Variants in ANKS1B observed in about 807,000 individuals in gnomAD.
ANKS1B encodes ankyrin repeat and sterile alpha motif domain-containing protein 1B.
In ANKS1B, 36 loss-of-function variants were observed where a neutral mutation model predicts 148.3. The observed-to-expected ratio is 0.24, with a 90% confidence interval of 0.19 to 0.32. The LOEUF (loss-of-function observed/expected upper bound fraction) is 0.32, where lower values mean the gene tolerates loss of function less well. Ranked by LOEUF, ANKS1B falls within the 10% of genes least tolerant of loss-of-function variation. The pLI is 1.00. For missense variants in ANKS1B, 1,157 were observed against 1,542.6 expected, an observed-to-expected ratio of 0.75 and a Z score of 4.19; for synonymous variants, 542 against 560.8, an observed-to-expected ratio of 0.97 and a Z score of 0.47.
intron 9 of ANKS1B, among the ~76,000 whole-genome samples, chr12:99,534,700 TTTTTC>T (rs1464948798): frequency 3.3e-5 from 5 of 150,058 alleles, no homozygotes; most frequent in African/African-American, 9.8e-5. Flanking sequence ...TTTTTTTTCT[TTTTTC>T]TTTTCTTTTT....
intron 1 of ANKS1B, among the ~76,000 whole-genome samples, chr12:99,832,198 C>A (rs1430076253): frequency 6.6e-6 from 1 of 152,108 alleles, no homozygotes; most frequent in African/African-American, 2.4e-5. Context: ...CTCTTAGACC[C>A]AACAACTCCA....
At chr12:99,466,901 T>A (rs1172666271) in intron 10 of ANKS1B, among the ~76,000 whole-genome samples, 3 of 152,014 alleles carry the variant, frequency 2.0e-5, no homozygotes, top group African/African-American at 7.3e-5. Flanking sequence ...ACTATTCCAA[T>A]CAATAGAAAA....
chr12:98,894,483 C>T (rs1164245127), intron 17 of ANKS1B: 2 of 805,068 alleles, frequency 2.5e-6, no homozygotes, highest in African/African-American at 3.7e-5. Flanking sequence ...GGCTGCAACA[C>T]CTGCCCCGGC....
chr12:99,625,485 G>A (rs2098103157), intron 9 of ANKS1B, among the ~76,000 whole-genome samples: 1 of 152,096 alleles, frequency 6.6e-6, no homozygotes, highest in South Asian at 2.1e-4. Flanking sequence ...CTCCTAGAAT[G>A]CAAAATTTAT....
intron 12 of ANKS1B, among the ~76,000 whole-genome samples, chr12:99,255,114 A>G (rs992926196): frequency 6.6e-6 from 1 of 152,198 alleles, no homozygotes; most frequent in Non-Finnish European, 1.5e-5. Context: ...TACCTTTAAA[A>G]TCATCTAGAC....
chr12:98,744,817 C>A lies in ANKS1B; in HGVS notation c.*922G>T. On this transcript the variant is annotated 3_prime_UTR_variant, in exon 27 of 27. Transcript: ENST00000683438. Reference sequence around the variant, plus strand: ...TAGATTTTTTTTTTTTTAACATGTTCTTTAAAACACTGTGAAGATTAAAAA... The same window carrying A: ...TAGATTTTTTTTTTTTTAACATGTTATTTAAAACACTGTGAAGATTAAAAA... 1.0e-6 allele frequency: 1 copy of A among 978,380 alleles called. No homozygotes were observed. Among genetic ancestry groups the A allele is most frequent in the Non-Finnish European group, 1.2e-6 (1 of 827,760 alleles). The allele number at this position is 978,380 out of a possible 1,614,324, so 60.6% of individuals were successfully genotyped here.
intron 1 of ANKS1B, among the ~76,000 whole-genome samples, chr12:99,928,348 G>A (rs576074619): frequency 1.1e-4 from 17 of 148,234 alleles, no homozygotes; most frequent in South Asian, 4.3e-4. Flanking sequence ...GCGCAATCTC[G>A]GCTCACTGCA....
At chr12:99,313,318 A>G (rs1046830212) in intron 12 of ANKS1B, among the ~76,000 whole-genome samples, 27 of 152,250 alleles carry the variant, frequency 1.8e-4, no homozygotes, top group Non-Finnish European at 3.2e-4. Context: ...ACAGATTCAC[A>G]GCTGAATTCT....
At position 99,064,291 on chromosome 12, in the gene ANKS1B, G is replaced by A. The variant is rs536672557; in HGVS notation, c.2626-10982C>T. Among the ~76,000 whole-genome samples, 4 of 152,280 alleles carry A rather than the reference G, an allele frequency of 2.6e-5. No homozygotes were observed. In the South Asian group the frequency reaches 6.2e-4, roughly 24 times the overall value. On this transcript the variant is annotated intron_variant, in intron 16 of 26. Coordinates refer to ENST00000683438, the MANE Select transcript of ANKS1B (RefSeq NM_001352186.2). ...ATGAATTAAGGTCTATTCCAGAGAG[G>A]GCCTGAGGTATCCCTAATTTTGAAA...
At chr12:99,784,313 A>G (rs2064749339) in intron 4 of ANKS1B, among the ~76,000 whole-genome samples, 1 of 151,914 alleles carries the variant, frequency 6.6e-6, no homozygotes, top group Admixed American at 6.6e-5. Context: ...CTGGGACTAC[A>G]GGCTCCTGCC....
intron 1 of ANKS1B, among the ~76,000 whole-genome samples, chr12:99,983,038 A>G (rs2095728391): frequency 6.6e-6 from 1 of 152,252 alleles, no homozygotes; most frequent in Non-Finnish European, 1.5e-5. Flanking sequence ...AGCATGGAAC[A>G]GTTTTTAAAA....
intron 3 of ANKS1B, among the ~76,000 whole-genome samples, chr12:99,810,079 C>CCAATTACACAA (rs2068141319): frequency 6.6e-6 from 1 of 151,988 alleles, no homozygotes; most frequent in East Asian, 1.9e-4. Flanking sequence ...GATGACAATA[C>CCAATTACACAA]CAATGCGCTG....
chr12:98,860,237 G>T (rs1289441314), intron 17 of ANKS1B, among the ~76,000 whole-genome samples: 2 of 152,216 alleles, frequency 1.3e-5, no homozygotes, highest in African/African-American at 4.8e-5. Context: ...TATATTCTAT[G>T]AACAAAGGAA....
Position 99,930,111 on chromosome 12 carries a change from T to C in ANKS1B, c.134+53993A>G, listed in dbSNP as rs567356550. Among the ~76,000 whole-genome samples the C allele has an allele frequency of 2.2e-4, 33 of 151,968 alleles. No homozygotes were observed. In the East Asian group the frequency reaches 6.0e-3, roughly 27 times the overall value. On this transcript the variant is annotated intron_variant, in intron 1 of 26. Transcript: ENST00000683438. The stretch of plus-strand genomic sequence containing the variant: ...GGCCGTATGGCCATTTTCACAATAT[T>C]GATTCTTCCTACCCATGAGCATGGA...
At chr12:99,117,393 G>A (rs7978433) in intron 15 of ANKS1B, among the ~76,000 whole-genome samples, 89,290 of 151,942 alleles carry the variant, frequency 0.59, 26,643 homozygotes, top group East Asian at 0.75. Context: ...AGCTTATTGA[G>A]TTTTTAGCAT....
chr12:99,761,707 G>T (rs2062134832), intron 8 of ANKS1B, among the ~76,000 whole-genome samples: 1 of 151,956 alleles, frequency 6.6e-6, no homozygotes, highest in Non-Finnish European at 1.5e-5. Flanking sequence ...GAGCCATCAT[G>T]CAAGAGGAAT....
At chr12:98,937,176 C>G (rs2099819570) in intron 17 of ANKS1B, among the ~76,000 whole-genome samples, 1 of 152,162 alleles carries the variant, frequency 6.6e-6, no homozygotes, top group Non-Finnish European at 1.5e-5. Context: ...CATCAAGGAA[C>G]ACTTATAGGT....
At chr12:99,546,548 G>A (rs1201211624) in intron 9 of ANKS1B, among the ~76,000 whole-genome samples, 1 of 152,126 alleles carries the variant, frequency 6.6e-6, no homozygotes, top group African/African-American at 2.4e-5. Flanking sequence ...CTTCCCTACT[G>A]GGCTGCAGAG....
At chr12:98,832,694 G>T (rs2099328632) in intron 17 of ANKS1B, among the ~76,000 whole-genome samples, 1 of 152,080 alleles carries the variant, frequency 6.6e-6, no homozygotes, top group Non-Finnish European at 1.5e-5. Context: ...TGTCTCCTCA[G>T]AAAGGTCCTC....
Sources: allele counts gnomAD v4.1 joint callset (sites outside exome capture counted in the v4.1 genomes callset), GRCh38; gene constraint gnomAD v4.1.1; transcripts MANE v1.5; gene names NCBI Gene and HGNC (gene_info 2026-07-23, HGNC 2026-07-21).